The following LRRTM4 variants were observed in gnomAD, a reference collection of about 807,000 sequenced individuals.
LRRTM4 encodes leucine rich repeat transmembrane neuronal 4.
Under a neutral mutation model 47.6 loss-of-function variants are expected in LRRTM4, and 25 were observed. That is an observed-to-expected ratio of 0.53 (90% CI 0.38 to 0.73). LRRTM4 has a LOEUF of 0.73. Ranked by LOEUF, LRRTM4 falls within the 30% of genes least tolerant of loss-of-function variation. The pLI, the probability that LRRTM4 is intolerant of heterozygous loss-of-function variation, is 0.00. For missense variants in LRRTM4, 638 were observed against 713.4 expected (o/e 0.89, Z 1.20); for synonymous variants, 311 against 269.5 (o/e 1.15, Z -1.51).
At chr2:77,013,186 T>C (rs1193007592) in intron 3 of LRRTM4, among the ~76,000 whole-genome samples, 1 of 152,070 alleles carries the variant, frequency 6.6e-6, no homozygotes, top group Non-Finnish European at 1.5e-5. Context: ...GAGGGAAAGG[T>C]ATAACCACTG....
At chr2:77,362,621 C>T (rs930080543) in intron 3 of LRRTM4, among the ~76,000 whole-genome samples, 13 of 152,068 alleles carry the variant, frequency 8.5e-5, no homozygotes, top group African/African-American at 1.9e-4. Flanking sequence ...GGGACTGGTC[C>T]GATTCGTCTT....
At chr2:76,973,127 T>C (rs1676279382) in intron 3 of LRRTM4, among the ~76,000 whole-genome samples, 1 of 150,252 alleles carries the variant, frequency 6.7e-6, no homozygotes. Context: ...AATTTTTTCG[T>C]AAAAAGTGCT....
intron 3 of LRRTM4, among the ~76,000 whole-genome samples, chr2:77,445,738 A>T (rs566718856): frequency 6.6e-6 from 1 of 152,204 alleles, no homozygotes; most frequent in African/African-American, 2.4e-5. Flanking sequence ...TTTCACAAAT[A>T]AATAGTTACC....
At chr2:77,079,577 C>T (rs1680463367) in intron 3 of LRRTM4, among the ~76,000 whole-genome samples, 4 of 152,068 alleles carry the variant, frequency 2.6e-5, no homozygotes, top group African/African-American at 9.7e-5. Context: ...TGATGTGTGG[C>T]CCAAGACCAT....
chr2:77,114,766 G>A (rs190212590), intron 3 of LRRTM4, among the ~76,000 whole-genome samples: 2 of 152,260 alleles, frequency 1.3e-5, no homozygotes, highest in East Asian at 1.9e-4. Flanking sequence ...TGCAAAACCA[G>A]CAAGTTTTTA....
intron 3 of LRRTM4, among the ~76,000 whole-genome samples, chr2:77,255,913 G>A (rs531981251): frequency 6.6e-6 from 1 of 151,974 alleles, no homozygotes; most frequent in South Asian, 2.1e-4. Flanking sequence ...AGAAAATAAT[G>A]AGACAACAGA....
At chr2:76,813,152 G>A (rs550686152) in intron 3 of LRRTM4, among the ~76,000 whole-genome samples, 7 of 152,042 alleles carry the variant, frequency 4.6e-5, no homozygotes, top group African/African-American at 9.6e-5. Context: ...CAACAAGAGC[G>A]AAACTCTGTC....
intron 3 of LRRTM4, among the ~76,000 whole-genome samples, chr2:77,018,309 GAA>G (rs1379578827): frequency 2.3e-5 from 3 of 130,118 alleles, no homozygotes; most frequent in African/African-American, 8.6e-5. Context: ...GTGAGCTGGT[GAA>G]AAGAGAACAG....
At chr2:76,966,502 G>A (rs1284622947) in intron 3 of LRRTM4, among the ~76,000 whole-genome samples, 5 of 151,364 alleles carry the variant, frequency 3.3e-5, no homozygotes, top group African/African-American at 4.8e-5. Context: ...ACATGCATAA[G>A]GCTCTTTCAC....
At chr2:77,017,702 A>G (rs2104090519) in intron 3 of LRRTM4, among the ~76,000 whole-genome samples, 1 of 152,310 alleles carries the variant, frequency 6.6e-6, no homozygotes, top group South Asian at 2.1e-4. Context: ...CGAGGTAGTC[A>G]TTACGATATC....
At chr2:76,777,270 A>C (rs1674065857) in intron 3 of LRRTM4, among the ~76,000 whole-genome samples, 2 of 146,948 alleles carry the variant, frequency 1.4e-5, no homozygotes, top group Non-Finnish European at 1.5e-5. Flanking sequence ...ATGAACTTTA[A>C]AGTAGTTTTT....
chr2:77,117,514 TTTC>T (rs1172720091), intron 3 of LRRTM4, among the ~76,000 whole-genome samples: 1 of 150,478 alleles, frequency 6.6e-6, no homozygotes, highest in Non-Finnish European at 1.5e-5. Context: ...GTTTCTTACT[TTTC>T]TTTTTTTTCC....
chr2:77,483,827 A>G (rs1055860026), intron 3 of LRRTM4, among the ~76,000 whole-genome samples: 12 of 152,226 alleles, frequency 7.9e-5, no homozygotes, highest in Non-Finnish European at 1.6e-4. Context: ...TGGTTAGTAT[A>G]GCAAGCTTAT....
chr2:76,922,642 T>C (rs556797141), intron 3 of LRRTM4, among the ~76,000 whole-genome samples: 3 of 152,140 alleles, frequency 2.0e-5, no homozygotes, highest in Admixed American at 2.0e-4. Context: ...AGTAAAGAGA[T>C]GTTGGTCAAA....
intron 3 of LRRTM4, among the ~76,000 whole-genome samples, chr2:76,940,131 A>T (rs567890409): frequency 6.6e-6 from 1 of 152,148 alleles, no homozygotes; most frequent in Non-Finnish European, 1.5e-5. Flanking sequence ...CAGCAACCCC[A>T]CTACTGGGTA....
chr2:77,266,928 T>C (rs2104057813), intron 3 of LRRTM4, among the ~76,000 whole-genome samples: 1 of 152,154 alleles, frequency 6.6e-6, no homozygotes, highest in Middle Eastern at 3.4e-3. Context: ...TTGTACAAGT[T>C]CTGAGGAAAC....
chr2:77,400,400 G>A (rs948410449), intron 3 of LRRTM4, among the ~76,000 whole-genome samples: 1 of 151,636 alleles, frequency 6.6e-6, no homozygotes, highest in Admixed American at 6.6e-5. Flanking sequence ...TCATCTCACA[G>A]CTCATATATC....
intron 3 of LRRTM4, among the ~76,000 whole-genome samples, chr2:77,150,192 TA>T (rs1190071010): frequency 1.1e-4 from 16 of 152,262 alleles, no homozygotes; most frequent in African/African-American, 3.9e-4. Flanking sequence ...AAGCTAAAAA[TA>T]GGATACTAAG....
intron 3 of LRRTM4, among the ~76,000 whole-genome samples, chr2:76,972,591 T>C (rs1468648810): frequency 6.6e-6 from 1 of 151,758 alleles, no homozygotes; most frequent in Non-Finnish European, 1.5e-5. Flanking sequence ...CTACTTTTCT[T>C]GTATTTTTAG....
Sources: gnomAD v4.1 joint callset for allele counts (sites outside exome capture counted in the v4.1 genomes callset) on GRCh38, gnomAD v4.1.1 for gene constraint, MANE v1.5 for transcripts, NCBI Gene and HGNC (gene_info 2026-07-23, HGNC 2026-07-21) for gene names.